Variants in PPP1R1C observed in about 807,000 individuals in gnomAD.
The protein encoded by PPP1R1C is protein phosphatase 1 regulatory inhibitor subunit 1C.
PPP1R1C carries 15 observed loss-of-function variants against 17.4 expected under a neutral mutation model. The observed-to-expected ratio is 0.86, with a 90% CI of 0.58 to 1.33. The LOEUF (loss-of-function observed/expected upper bound fraction) is 1.33, where lower values mean the gene tolerates loss of function less well. PPP1R1C is among the 40% of genes most tolerant of loss of function. PPP1R1C has a pLI of 0.00. For synonymous variants in PPP1R1C, 35 were observed against 43.1 expected, an observed-to-expected ratio of 0.81 and a Z score of 0.73; for missense variants, 143 against 130.0, an observed-to-expected ratio of 1.10 and a Z score of -0.48.
At position 181,994,038 on chromosome 2, in the gene PPP1R1C, A is replaced by AC. The variant is rs749112237; in HGVS notation, c.142+6144dup. The stretch of plus-strand genomic sequence containing the variant: ...GTAAGAAAAAAAAAAGATCTATAGT[A>AC]CCCCCTAATTCATCAGGAGAGGAAG... On this transcript the variant is annotated intron_variant, in intron 2 of 4. Coordinates refer to ENST00000682840, the MANE Select transcript of PPP1R1C (RefSeq NM_001080545.3). 5.3e-5 allele frequency among the ~76,000 whole-genome samples: 8 copies of AC among 151,918 alleles called. No individual in the cohort carries two copies. The South Asian group carries it at 6.2e-4, about 12-fold the overall frequency.
chr2:181,997,122 C>G (rs1041408358), intron 2 of PPP1R1C, among the ~76,000 whole-genome samples: 3 of 151,420 alleles, frequency 2.0e-5, no homozygotes, highest in African/African-American at 4.9e-5. Context: ...CCAGCTACTC[C>G]GGAGGCTGAG....
intron 4 of PPP1R1C, among the ~76,000 whole-genome samples, chr2:182,103,372 CCTTTG>C (rs1378405549): frequency 6.6e-6 from 1 of 152,040 alleles, no homozygotes; most frequent in Non-Finnish European, 1.5e-5. Flanking sequence ...ATACATTGCT[CCTTTG>C]CTTTAAGTAT....
At chr2:182,045,672 G>A (rs1687321651) in intron 2 of PPP1R1C, among the ~76,000 whole-genome samples, 2 of 151,942 alleles carry the variant, frequency 1.3e-5, no homozygotes, top group African/African-American at 4.8e-5. Flanking sequence ...ATAATGGTTG[G>A]TTTACTCATA....
chr2:181,978,532 G>A (rs1475229159), intron 2 of PPP1R1C, among the ~76,000 whole-genome samples: 2 of 152,224 alleles, frequency 1.3e-5, no homozygotes, highest in African/African-American at 4.8e-5. Context: ...GTCAGGCTCA[G>A]TTGAGGGTGC....
chr2:182,025,838 G>A (rs1411979165), intron 2 of PPP1R1C, among the ~76,000 whole-genome samples: 1 of 144,900 alleles, frequency 6.9e-6, no homozygotes, highest in East Asian at 2.0e-4. Flanking sequence ...GTGTAAAAGT[G>A]TTCCTATTTC....
At chr2:182,025,816 G>A (rs1285564033) in intron 2 of PPP1R1C, among the ~76,000 whole-genome samples, 1 of 144,790 alleles carries the variant, frequency 6.9e-6, no homozygotes, top group Non-Finnish European at 1.5e-5. Flanking sequence ...CTAGTTTACA[G>A]TCCCACCAAC....
chr2:182,044,170 G>GGA (rs1687272724), intron 2 of PPP1R1C, among the ~76,000 whole-genome samples: 1 of 152,116 alleles, frequency 6.6e-6, no homozygotes, highest in South Asian at 2.1e-4. Context: ...TATCCAGGAT[G>GGA]GACTCCTCCA....
At chr2:182,053,152 T>C (rs1391205718) in intron 2 of PPP1R1C, among the ~76,000 whole-genome samples, 1 of 152,232 alleles carries the variant, frequency 6.6e-6, no homozygotes, top group Non-Finnish European at 1.5e-5. Flanking sequence ...AAACCAATTC[T>C]GCTCTTAGAG....
At chr2:181,980,991 G>C (rs1049519622), upstream of PPP1R1C, among the ~76,000 whole-genome samples, 2 of 150,000 alleles carry the variant, frequency 1.3e-5, no homozygotes, top group Admixed American at 6.6e-5. Flanking sequence ...TGCAGTGGCG[G>C]GATCTCGGCT....
chr2:182,050,059 C>G (rs536915319), intron 2 of PPP1R1C, among the ~76,000 whole-genome samples: 1 of 152,294 alleles, frequency 6.6e-6, no homozygotes, highest in African/African-American at 2.4e-5. Flanking sequence ...GTTTTCTTTG[C>G]TTTGTCAGGT....
chr2:182,081,918 T>C (rs1250475972), intron 4 of PPP1R1C, among the ~76,000 whole-genome samples: 3 of 152,250 alleles, frequency 2.0e-5, no homozygotes, highest in Middle Eastern at 3.2e-3. Context: ...AAAAGCTTCA[T>C]GTGCAGAAAC....
chr2:182,092,188 A>C (rs1374072314), intron 4 of PPP1R1C, among the ~76,000 whole-genome samples: 1 of 152,178 alleles, frequency 6.6e-6, no homozygotes. Context: ...ACAGTTCCAC[A>C]TGGCTGGGGA....
intron 4 of PPP1R1C, among the ~76,000 whole-genome samples, chr2:182,083,670 G>T (rs1314561704): frequency 6.6e-6 from 1 of 152,056 alleles, no homozygotes; most frequent in Admixed American, 6.6e-5. Context: ...TGGTTGATGG[G>T]CACTTAGTTT....
At position 181,967,310 on chromosome 2, in the gene PPP1R1C, C is replaced by A. The variant is rs969465382; in HGVS notation, n.112-7909C>A. On this transcript the variant is annotated intron_variant and non_coding_transcript_variant, in intron 1 of 5. Transcript: ENST00000464264. The surrounding 1 kb of genome is among the most constrained non-coding windows in gnomAD (Gnocchi z 5.5). ...ATTTCATTTATTTCTGCTCTGATAC[C>A]TGTGGGGTTTTTTTTCTTGTACTAA... Among the ~76,000 whole-genome samples the A allele has an allele frequency of 6.6e-6, 1 of 151,840 alleles. No homozygotes were observed. The highest frequency in any genetic ancestry group is 1.5e-5 in the Non-Finnish European group (1 of 67,950).
intron 4 of PPP1R1C, among the ~76,000 whole-genome samples, chr2:182,097,123 C>T (rs1442040203): frequency 6.6e-6 from 1 of 152,120 alleles, no homozygotes; most frequent in Non-Finnish European, 1.5e-5. Context: ...CTCATTTCTC[C>T]AAAGAAAAAT....
chr2:182,069,611 CAG>C (rs1688085039), intron 4 of PPP1R1C, among the ~76,000 whole-genome samples: 1 of 152,136 alleles, frequency 6.6e-6, no homozygotes, highest in African/African-American at 2.4e-5. Context: ...AAATTTAAAA[CAG>C]AGTCCAGTAA....
downstream of PPP1R1C, among the ~76,000 whole-genome samples, chr2:182,121,417 TC>T (rs1358574511): frequency 6.6e-6 from 1 of 152,144 alleles, no homozygotes; most frequent in Non-Finnish European, 1.5e-5. Context: ...CTTAACTTTA[TC>T]TACTTCATGA....
chr2:182,053,942 G>A (rs961538443), intron 2 of PPP1R1C, among the ~76,000 whole-genome samples: 3 of 151,892 alleles, frequency 2.0e-5, no homozygotes, highest in African/African-American at 4.8e-5. Flanking sequence ...CATCACGCCC[G>A]GCTAATTTTA....
At position 181,991,040 on chromosome 2, in the gene PPP1R1C, G is replaced by C. The variant is rs921841803; in HGVS notation, c.142+3141G>C. 5.6e-4 allele frequency among the ~76,000 whole-genome samples: 85 copies of C among 150,814 alleles called. 1 individual carries two copies. Among genetic ancestry groups the C allele is most frequent in the Non-Finnish European group, 1.3e-4 (9 of 67,852 alleles). ...TAAATTCTTCATTATAGAAACATAA[G>C]TAATAAAACATTCCAATTCATATGA... is the stretch of plus-strand genomic sequence containing the variant. On this transcript the variant is annotated intron_variant, in intron 2 of 4. Transcript: ENST00000682840.
Sources: allele counts gnomAD v4.1 joint callset (sites outside exome capture counted in the v4.1 genomes callset), GRCh38; gene constraint gnomAD v4.1.1; non-coding constraint Gnocchi (gnomAD v3.1); transcripts MANE v1.5; gene names NCBI Gene and HGNC (gene_info 2026-07-23, HGNC 2026-07-21).